Variants in TMSB15B observed in about 807,000 individuals in gnomAD.
The protein encoded by TMSB15B is thymosin beta 15B.
Position 103,946,614 on chromosome X carries a change from C to T in TMSB15B, c.-720-15407C>T, listed in dbSNP as rs1556327448. Among the ~76,000 whole-genome samples, 6 of 111,638 alleles carry T rather than the reference C, an allele frequency of 5.4e-5. No individual in the cohort carries two copies. In the Admixed American group the frequency reaches 5.7e-4, roughly 11 times the overall value. On this transcript the variant is annotated intron_variant, in intron 1 of 3. Transcript: ENST00000419165. ...AAAACTGGAAAAGGCACATATAGTA[C>T]ATACAGTAAATTGTTATATGAAAGA...
At chrX:103,937,720 T>G (rs1602439155) in intron 1 of TMSB15B, among the ~76,000 whole-genome samples, 1 of 111,598 alleles carries the variant, frequency 9.0e-6, no homozygotes, top group East Asian at 2.8e-4. Flanking sequence ...GCTTTTGAAT[T>G]TGTTTGCTCT....
At chrX:103,932,206 C>G (rs782414308) in intron 1 of TMSB15B, 1 of 112,338 alleles carries the variant, frequency 8.9e-6, no homozygotes, top group East Asian at 2.8e-4. Flanking sequence ...GCCCATCTGT[C>G]AGAAGTTCTG....
At chrX:103,933,809 G>C (rs1180312745) in intron 1 of TMSB15B, among the ~76,000 whole-genome samples, 2 of 106,706 alleles carry the variant, frequency 1.9e-5, no homozygotes, top group Non-Finnish European at 3.9e-5. Flanking sequence ...TTGTTTGCAG[G>C]GTTTTCTTTT....
intron 1 of TMSB15B, among the ~76,000 whole-genome samples, chrX:103,935,249 G>T (rs2074994395): frequency 8.9e-6 from 1 of 111,832 alleles, no homozygotes; most frequent in South Asian, 3.7e-4. Flanking sequence ...TTAGCCCTTT[G>T]TCAAATGGAT....
chrX:103,919,208 G>C (rs2074943530), exon 1 of TMSB15B: 1 of 113,207 alleles, frequency 8.8e-6, no homozygotes, highest in African/African-American at 3.2e-5. Flanking sequence ...GCTGGCTGGC[G>C]GGGGCTGAGG....
chrX:103,947,849 A>T (rs1482123802), intron 1 of TMSB15B, among the ~76,000 whole-genome samples: 1 of 111,535 alleles, frequency 9.0e-6, no homozygotes, highest in African/African-American at 3.3e-5. Flanking sequence ...TAACCAGGAA[A>T]CCTATAAAAA....
chrX:103,931,184 C>G (rs1189917396), intron 1 of TMSB15B: 1 of 111,625 alleles, frequency 9.0e-6, no homozygotes, highest in Non-Finnish European at 1.9e-5. Flanking sequence ...TGTGTTGGAA[C>G]AGTACTCAAC....
intron 1 of TMSB15B, among the ~76,000 whole-genome samples, chrX:103,922,871 GT>G (rs2074957775): frequency 8.9e-6 from 1 of 112,107 alleles, no homozygotes; most frequent in Non-Finnish European, 1.9e-5. Flanking sequence ...AGCACCTGTT[GT>G]TTCCTGACTT....
chrX:103,949,361 C>T (rs1243100903), intron 1 of TMSB15B, among the ~76,000 whole-genome samples: 4 of 111,599 alleles, frequency 3.6e-5, no homozygotes, highest in Admixed American at 9.5e-5. Context: ...CCACTGTAGG[C>T]GAATGAGAGT....
At chrX:103,932,941 C>T (rs1391391809) in intron 1 of TMSB15B, 11 of 111,144 alleles carry the variant, frequency 9.9e-5, no homozygotes, top group African/African-American at 3.6e-4. Context: ...AATAAAAAGC[C>T]ATCACAAAAC....
At chrX:103,925,640 C>T (rs782174808) in intron 1 of TMSB15B, among the ~76,000 whole-genome samples, 1 of 111,884 alleles carries the variant, frequency 8.9e-6, no homozygotes, top group African/African-American at 3.3e-5. Flanking sequence ...TTCTAAAGGT[C>T]ACACATCAAG....
intron 1 of TMSB15B, chrX:103,928,153 G>T: frequency 8.6e-7 from 1 of 1,160,661 alleles, no homozygotes; most frequent in Non-Finnish European, 1.2e-6. Flanking sequence ...CACAAGCAGA[G>T]GCTCCAGGAA....
intron 1 of TMSB15B, among the ~76,000 whole-genome samples, chrX:103,929,909 G>T (rs2074979862): frequency 9.1e-6 from 1 of 109,454 alleles, no homozygotes; most frequent in South Asian, 4.0e-4. Flanking sequence ...GGGTACATGT[G>T]CACAATGTGC....
chrX:103,926,833 C>T (rs1310027725), intron 1 of TMSB15B, among the ~76,000 whole-genome samples: 4 of 109,841 alleles, frequency 3.6e-5, no homozygotes, highest in African/African-American at 1.3e-4. Context: ...CTTCCTGTCC[C>T]TGTCAGTGTA....
chrX:103,949,302 T>G (rs1182859287), intron 1 of TMSB15B, among the ~76,000 whole-genome samples: 4 of 111,897 alleles, frequency 3.6e-5, no homozygotes, highest in Non-Finnish European at 7.5e-5. Context: ...ATGTCATGAT[T>G]TGATTTATAT....
intron 1 of TMSB15B, among the ~76,000 whole-genome samples, chrX:103,937,377 C>T (rs1239699606): frequency 8.9e-6 from 1 of 112,071 alleles, no homozygotes; most frequent in Non-Finnish European, 1.9e-5. Context: ...GATTCGAGTT[C>T]TTCCTGGTTT....
chrX:103,923,284 A>G (rs2074958973), intron 1 of TMSB15B, among the ~76,000 whole-genome samples: 1 of 111,980 alleles, frequency 8.9e-6, no homozygotes, highest in Non-Finnish European at 1.9e-5. Flanking sequence ...GCCCATGCCT[A>G]TGTCCTGAAT....
chrX:103,940,474 A>G (rs1381331872), intron 1 of TMSB15B, among the ~76,000 whole-genome samples: 1 of 111,230 alleles, frequency 9.0e-6, no homozygotes, highest in Non-Finnish European at 1.9e-5. Context: ...AAACCCGTCT[A>G]CTCAAGCCTC....
intron 1 of TMSB15B, among the ~76,000 whole-genome samples, chrX:103,942,902 CTT>C (rs2075016177): frequency 9.0e-6 from 1 of 111,310 alleles, no homozygotes; most frequent in African/African-American, 3.3e-5. Context: ...ACATATATCT[CTT>C]AAGAAATCAG....
Sources: allele counts gnomAD v4.1 joint callset (sites outside exome capture counted in the v4.1 genomes callset), GRCh38; gene constraint gnomAD v4.1.1; transcripts MANE v1.5; gene names NCBI Gene and HGNC (gene_info 2026-07-23, HGNC 2026-07-21).